The following ZNF362 variants were observed in gnomAD, a reference collection of about 807,000 sequenced individuals.
ZNF362 encodes the protein rotund homolog.
A neutral mutation model predicts 42.9 loss-of-function variants in ZNF362; 11 were observed. That is an observed-to-expected ratio of 0.26 (90% CI 0.16 to 0.42). The LOEUF (loss-of-function observed/expected upper bound fraction) is 0.42. Among genes scored for constraint, ZNF362 ranks in the 20% least tolerant of loss-of-function variants. The pLI is 1.00. For missense variants in ZNF362, 362 were observed against 576.2 expected, an observed-to-expected ratio of 0.63 and a Z score of 3.81; for synonymous variants, 255 against 257.3, an observed-to-expected ratio of 0.99 and a Z score of 0.09.
upstream of ZNF362, among the ~76,000 whole-genome samples, chr1:33,251,751 C>T (rs190426195): frequency 6.6e-6 from 1 of 152,348 alleles, no homozygotes; most frequent in Non-Finnish European, 1.5e-5. Context: ...ACACTCTTCC[C>T]TGGTGTCAGC....
chr1:33,278,790 A>G (rs1645969471), intron 4 of ZNF362, among the ~76,000 whole-genome samples: 1 of 152,148 alleles, frequency 6.6e-6, no homozygotes, highest in Admixed American at 6.5e-5. Flanking sequence ...TCTCTGTGTC[A>G]CTGTATCACA....
At chr1:33,275,220 A>T in intron 2 of ZNF362, 4 of 985,434 alleles carry the variant, frequency 4.1e-6, no homozygotes, top group Non-Finnish European at 4.8e-6. Flanking sequence ...CTAGGGTAGC[A>T]GGAAGACAAA....
the ZNF362 span, among the ~76,000 whole-genome samples, chr1:33,250,604 A>T: frequency 6.6e-6 from 1 of 152,078 alleles, no homozygotes; most frequent in Non-Finnish European, 1.5e-5. Flanking sequence ...AGGGGGAGGG[A>T]GAGCATCAGG....
the ZNF362 span, among the ~76,000 whole-genome samples, chr1:33,193,438 C>T: frequency 2.0e-5 from 3 of 152,260 alleles, no homozygotes; most frequent in East Asian, 5.8e-4. Context: ...GAAAACAACT[C>T]CCACTGAAGA....
chr1:33,298,848 C>A, intron 8 of ZNF362, 82 bp from the exon 9 acceptor site: 1 of 1,209,492 alleles, frequency 8.3e-7, no homozygotes, highest in South Asian at 1.2e-5. Context: ...AAGAGCCCTC[C>A]AGTGGCTGCT....
the ZNF362 span, chr1:33,181,205 G>A: frequency 6.3e-7 from 1 of 1,583,876 alleles, no homozygotes; most frequent in Non-Finnish European, 8.5e-7. This position sits in a 1 kb window ranked among gnomAD's most constrained non-coding sequence, Gnocchi z 6.5. Flanking sequence ...GCGGGAAGGA[G>A]CTGTAGCGCT....
the ZNF362 span, chr1:33,195,101 C>G: frequency 1.3e-5 from 2 of 152,178 alleles, no homozygotes; most frequent in East Asian, 3.8e-4. Flanking sequence ...CTGCCTGAAG[C>G]CAATTTCTCA....
chr1:33,211,705 A>T, the ZNF362 span, among the ~76,000 whole-genome samples: 1 of 151,036 alleles, frequency 6.6e-6, no homozygotes, highest in African/African-American at 2.4e-5. Flanking sequence ...TCTGACATTT[A>T]TGTGTCTCGG....
chr1:33,272,905 G>C (rs965030454), intron 2 of ZNF362, among the ~76,000 whole-genome samples: 2 of 152,244 alleles, frequency 1.3e-5, no homozygotes, highest in Non-Finnish European at 2.9e-5. Context: ...CTTTGCTGAA[G>C]CTGTGACCTC....
chr1:33,212,979 T>C, the ZNF362 span, among the ~76,000 whole-genome samples: 1 of 152,202 alleles, frequency 6.6e-6, no homozygotes, highest in African/African-American at 2.4e-5. Context: ...GATGAATGAA[T>C]AAACTAAATG....
At chr1:33,222,466 A>G in the ZNF362 span, among the ~76,000 whole-genome samples, 2 of 152,202 alleles carry the variant, frequency 1.3e-5, no homozygotes, top group Non-Finnish European at 2.9e-5. Flanking sequence ...TTTGCTTCCC[A>G]TGAATATTTC....
the ZNF362 span, among the ~76,000 whole-genome samples, chr1:33,140,880 CCTT>C: frequency 5.3e-5 from 8 of 152,230 alleles, no homozygotes; most frequent in Admixed American, 3.9e-4. The surrounding 1 kb of genome is among the most constrained non-coding windows in gnomAD (Gnocchi z 4.0). Context: ...CTCCCCTTCT[CCTT>C]CTGCTCAGGC....
chr1:33,139,954 T>G, the ZNF362 span, among the ~76,000 whole-genome samples: 1 of 152,180 alleles, frequency 6.6e-6, no homozygotes, highest in Non-Finnish European at 1.5e-5. Flanking sequence ...CGGGAGTGGT[T>G]CCTATTATAA....
chr1:33,236,550 A>ATAT, the ZNF362 span, among the ~76,000 whole-genome samples: 3 of 5,980 alleles, frequency 5.0e-4, no homozygotes, highest in African/African-American at 1.2e-3. Flanking sequence ...AAAAAAAAAA[A>ATAT]ATATATATAT....
chr1:33,221,145 T>C, the ZNF362 span, among the ~76,000 whole-genome samples: 1 of 152,204 alleles, frequency 6.6e-6, no homozygotes, highest in South Asian at 2.1e-4. Flanking sequence ...CCGGTGTTTC[T>C]CTCCTAACCC....
the ZNF362 span, among the ~76,000 whole-genome samples, chr1:33,220,414 G>A: frequency 6.6e-6 from 1 of 152,148 alleles, no homozygotes; most frequent in African/African-American, 2.4e-5. Context: ...ACTTTAAGAT[G>A]TGGACGCAGA....
At chr1:33,223,580 G>T in the ZNF362 span, among the ~76,000 whole-genome samples, 1 of 152,168 alleles carries the variant, frequency 6.6e-6, no homozygotes, top group Non-Finnish European at 1.5e-5. Context: ...TGAATCAGAA[G>T]TAGATTAGCC....
At chr1:33,273,141 G>A (rs1188124147) in intron 2 of ZNF362, among the ~76,000 whole-genome samples, 1 of 152,220 alleles carries the variant, frequency 6.6e-6, no homozygotes, top group African/African-American at 2.4e-5. Context: ...ATGAGATGCT[G>A]TTGATGAGCA....
At chr1:33,229,703 C>A in the ZNF362 span, among the ~76,000 whole-genome samples, 1 of 152,050 alleles carries the variant, frequency 6.6e-6, no homozygotes, top group Non-Finnish European at 1.5e-5. Context: ...CCACTCCCGG[C>A]CCTATTCTGC....
Sources: allele counts gnomAD v4.1 joint callset (sites outside exome capture counted in the v4.1 genomes callset), GRCh38; gene constraint gnomAD v4.1.1; non-coding constraint Gnocchi (gnomAD v3.1); transcripts MANE v1.5; gene names NCBI Gene and HGNC (gene_info 2026-07-23, HGNC 2026-07-21).